Variants in CTBP2 observed in about 807,000 individuals in gnomAD.
CTBP2 encodes C-terminal binding protein 2.
A neutral mutation model predicts 80.3 loss-of-function variants in CTBP2; 30 were observed. The observed-to-expected ratio is 0.37, with a 90% CI of 0.28 to 0.51. The LOEUF (loss-of-function observed/expected upper bound fraction) is 0.51, where lower values mean the gene tolerates loss of function less well. Ranked by LOEUF, CTBP2 falls within the 20% of genes least tolerant of loss-of-function variation. The pLI is 0.93. For missense variants in CTBP2, 1,212 were observed against 1,375.3 expected (o/e 0.88, Z 1.88); for synonymous variants, 594 against 587.4 (o/e 1.01, Z -0.16).
At chr10:125,036,676 T>A (rs1411953805) in intron 3 of CTBP2, among the ~76,000 whole-genome samples, 11 of 39,562 alleles carry the variant, frequency 2.8e-4, no homozygotes, top group African/African-American at 2.2e-3. Flanking sequence ...GGGGTGTGTG[T>A]GTGTGTGTGT....
intron 1 of CTBP2, among the ~76,000 whole-genome samples, chr10:125,129,918 CCCTGCA>C: frequency 6.6e-6 from 1 of 152,238 alleles, no homozygotes; most frequent in Non-Finnish European, 1.5e-5. Flanking sequence ...AAACAGAGGA[CCCTGCA>C]CCGAAAAGGG....
intron 1 of CTBP2, among the ~76,000 whole-genome samples, chr10:125,135,051 G>A (rs1462585510): frequency 6.6e-6 from 1 of 152,148 alleles, no homozygotes; most frequent in African/African-American, 2.4e-5. Flanking sequence ...ATTGTGCATG[G>A]ATGCCTTGGT....
intron 1 of CTBP2, among the ~76,000 whole-genome samples, chr10:125,004,753 C>T (rs1013954493): frequency 1.3e-5 from 2 of 152,184 alleles, no homozygotes; most frequent in Non-Finnish European, 2.9e-5. Flanking sequence ...GCCATTGCTC[C>T]AGGCTGAGCC....
At chr10:125,115,461 G>A (rs1853085904) in intron 1 of CTBP2, among the ~76,000 whole-genome samples, 1 of 152,210 alleles carries the variant, frequency 6.6e-6, no homozygotes, top group African/African-American at 2.4e-5. Context: ...AAGTTCCGCA[G>A]GCCAGCATCG....
At chr10:125,003,227 G>C (rs1197683025) in intron 2 of CTBP2, 111 bp downstream of exon 4, 8 of 1,580,906 alleles carry the variant, frequency 5.1e-6, no homozygotes, top group East Asian at 4.5e-5. Context: ...AGGAAAGCAG[G>C]GAACAGGGGT....
At chr10:125,118,627 C>T (rs1187128581) in intron 1 of CTBP2, among the ~76,000 whole-genome samples, 1 of 151,526 alleles carries the variant, frequency 6.6e-6, no homozygotes, top group Non-Finnish European at 1.5e-5. Context: ...CACCCCCACA[C>T]ACCTGTACCT....
At chr10:125,004,649 T>G (rs1954992272) in intron 1 of CTBP2, among the ~76,000 whole-genome samples, 1 of 152,066 alleles carries the variant, frequency 6.6e-6, no homozygotes, top group Non-Finnish European at 1.5e-5. Flanking sequence ...AGATTAAAAC[T>G]TTGGGGCTCA....
chr10:125,022,358 A>G (rs1036336963), intron 1 of CTBP2, among the ~76,000 whole-genome samples: 9 of 152,248 alleles, frequency 5.9e-5, no homozygotes, highest in African/African-American at 1.7e-4. Flanking sequence ...CAGACCAGAG[A>G]GCACCTAAAC....
upstream of CTBP2, among the ~76,000 whole-genome samples, chr10:125,032,579 T>C (rs1958362726): frequency 6.6e-6 from 1 of 152,242 alleles, no homozygotes; most frequent in South Asian, 2.1e-4. Flanking sequence ...AGGGCATGCA[T>C]GTGCCTGTAG....
Position 124,985,523 on chromosome 10 carries a change from A to G in CTBP2, c.*3995T>C, listed in dbSNP as rs541136901. 3 of 152,874 alleles carry G rather than the reference A, an allele frequency of 2.0e-5. No homozygotes were observed. The South Asian group carries it at 6.2e-4, about 32-fold the overall frequency. The allele number at this position is 152,874 out of a possible 1,614,324, so 9.5% of individuals were successfully genotyped here. A position where few individuals can be genotyped will look rare whatever the true frequency, so the allele number is the denominator to read the frequency against. Reference sequence around the variant, plus strand: ...ACAAAAATAAGCTTTTATTTTATTAATAATTTCGTTCCTCTTGTGCCCAAT... The same window carrying G: ...ACAAAAATAAGCTTTTATTTTATTAGTAATTTCGTTCCTCTTGTGCCCAAT... On this transcript the variant is annotated 3_prime_UTR_variant, in exon 9 of 9. Transcript: ENST00000309035.
At chr10:125,036,670 TGTGTG>T (rs1958911099) in intron 3 of CTBP2, among the ~76,000 whole-genome samples, 1 of 2,408 alleles carries the variant, frequency 4.2e-4, no homozygotes, top group African/African-American at 2.6e-3. Context: ...CTAGAGGGGG[TGTGTG>T]TGTGTGTGTG....
At chr10:125,029,467 C>T (rs187749570), upstream of CTBP2, among the ~76,000 whole-genome samples, 173 of 152,198 alleles carry the variant, frequency 1.1e-3, 1 homozygote, top group African/African-American at 4.1e-3. Context: ...ACCATGTTGG[C>T]CAGACTGGTC....
At chr10:125,084,189 A>G (rs1001445055) in intron 2 of CTBP2, among the ~76,000 whole-genome samples, 2 of 152,196 alleles carry the variant, frequency 1.3e-5, no homozygotes, top group Non-Finnish European at 2.9e-5. Context: ...TTCTGAGCTC[A>G]AGCAATCCTC....
intron 8 of CTBP2, 120 bp downstream of exon 10, chr10:124,992,575 T>C: frequency 6.3e-6 from 4 of 638,812 alleles, no homozygotes; most frequent in Non-Finnish European, 1.1e-5. Context: ...AGAAGGCTGA[T>C]TGTTCTGACC....
chr10:125,127,422 G>T (rs1402586457), intron 1 of CTBP2, among the ~76,000 whole-genome samples: 1 of 152,220 alleles, frequency 6.6e-6, no homozygotes, highest in Non-Finnish European at 1.5e-5. Flanking sequence ...TTCCTGGGAA[G>T]AAAGTAGAAT....
chr10:125,150,620 T>G (rs1040897624), intron 1 of CTBP2, among the ~76,000 whole-genome samples: 1 of 151,710 alleles, frequency 6.6e-6, no homozygotes, highest in African/African-American at 2.4e-5. Flanking sequence ...TGACTCTTCA[T>G]TGGTAAAACA....
intron 1 of CTBP2, among the ~76,000 whole-genome samples, chr10:125,020,407 C>A (rs2093816297): frequency 6.6e-6 from 1 of 152,172 alleles, no homozygotes; most frequent in Non-Finnish European, 1.5e-5. Flanking sequence ...CTGGCCAAGA[C>A]CTCCCTACTC....
intron 2 of CTBP2, among the ~76,000 whole-genome samples, chr10:125,086,943 C>A (rs1018022684): frequency 1.3e-5 from 2 of 152,132 alleles, no homozygotes; most frequent in Non-Finnish European, 2.9e-5. Flanking sequence ...GAGGAACAGT[C>A]CACGACACAC....
chr10:125,101,252 G>A (rs577780721), intron 2 of CTBP2, among the ~76,000 whole-genome samples: 4 of 152,262 alleles, frequency 2.6e-5, no homozygotes, highest in African/African-American at 9.6e-5. Context: ...GCCTCTCCCA[G>A]TGTGGCTCTC....
Sources: allele counts gnomAD v4.1 joint callset (sites outside exome capture counted in the v4.1 genomes callset), GRCh38; gene constraint gnomAD v4.1.1; transcripts MANE v1.5; gene names NCBI Gene and HGNC (gene_info 2026-07-23, HGNC 2026-07-21).